ACOXL: variants seen among roughly 807,000 people sequenced by gnomAD.
ACOXL encodes the protein acyl-CoA oxidase like.
A neutral mutation model predicts 71.9 loss-of-function variants in ACOXL; 70 were observed. That is an observed-to-expected ratio of 0.97 (90% CI 0.80 to 1.19). The LOEUF (loss-of-function observed/expected upper bound fraction) is 1.19. ACOXL is among the 50% of genes most tolerant of loss of function. The pLI is 0.00. For synonymous variants in ACOXL, 253 were observed against 281.6 expected (o/e 0.90, Z 1.02); for missense variants, 703 against 736.3 (o/e 0.95, Z 0.52).
chr2:111,058,508 A>G (rs2066655460), intron 16 of ACOXL, among the ~76,000 whole-genome samples: 1 of 152,164 alleles, frequency 6.6e-6, no homozygotes, highest in Non-Finnish European at 1.5e-5. Context: ...AACCAACCAC[A>G]TTTGCACCCT....
chr2:111,080,090 G>C (rs953918856), intron 16 of ACOXL, among the ~76,000 whole-genome samples: 1 of 152,018 alleles, frequency 6.6e-6, no homozygotes, highest in African/African-American at 2.4e-5. Flanking sequence ...ATTTTTTATT[G>C]TGTCTATTTG....
At chr2:110,992,359 C>T (rs2063208497) in intron 13 of ACOXL, among the ~76,000 whole-genome samples, 1 of 152,190 alleles carries the variant, frequency 6.6e-6, no homozygotes, top group Admixed American at 6.5e-5. Context: ...TTTCAGCACT[C>T]ACTGTGTACC....
At chr2:110,912,746 A>G (rs2059690481) in intron 11 of ACOXL, among the ~76,000 whole-genome samples, 1 of 152,180 alleles carries the variant, frequency 6.6e-6, no homozygotes, top group African/African-American at 2.4e-5. Flanking sequence ...AAAAAAGTGT[A>G]TACATTGGAC....
intron 11 of ACOXL, among the ~76,000 whole-genome samples, chr2:110,911,340 T>A (rs918505307): frequency 6.6e-6 from 1 of 151,982 alleles, no homozygotes; most frequent in East Asian, 1.9e-4. Context: ...TTCCAAAACA[T>A]AGAAGAGGAA....
At chr2:110,804,414 G>A (rs1006027712) in intron 8 of ACOXL, among the ~76,000 whole-genome samples, 18 of 152,112 alleles carry the variant, frequency 1.2e-4, no homozygotes, top group African/African-American at 1.7e-4. Flanking sequence ...CAGTTTGGCC[G>A]TTCCTCAAAA....
intron 7 of ACOXL, among the ~76,000 whole-genome samples, chr2:110,801,401 C>T (rs1685974937): frequency 6.6e-6 from 1 of 152,184 alleles, no homozygotes; most frequent in Non-Finnish European, 1.5e-5. Flanking sequence ...CATGCACATG[C>T]AGGCTGCACA....
At chr2:110,891,080 T>C (rs1472657793) in intron 10 of ACOXL, among the ~76,000 whole-genome samples, 2 of 152,146 alleles carry the variant, frequency 1.3e-5, no homozygotes. Flanking sequence ...TGTTCATTAT[T>C]AGTATATAGA....
chr2:110,910,039 G>A (rs2059595160), intron 11 of ACOXL, among the ~76,000 whole-genome samples: 1 of 152,056 alleles, frequency 6.6e-6, no homozygotes, highest in African/African-American at 2.4e-5. Flanking sequence ...TTAGTGGAGT[G>A]AGTTTTGACG....
intron 2 of ACOXL, among the ~76,000 whole-genome samples, chr2:110,772,905 T>A (rs770285461): frequency 1.3e-5 from 2 of 152,244 alleles, no homozygotes; most frequent in Non-Finnish European, 2.9e-5. Flanking sequence ...CTATCTTTTA[T>A]TGAGCCAGAT....
At chr2:110,771,200 C>T (rs534992110) in intron 2 of ACOXL, among the ~76,000 whole-genome samples, 2 of 152,312 alleles carry the variant, frequency 1.3e-5, no homozygotes, top group East Asian at 1.9e-4. Context: ...AGGCTCATCT[C>T]GCTGGGCGGA....
chr2:110,741,079 A>C (rs567312143), intron 1 of ACOXL, among the ~76,000 whole-genome samples: 2 of 152,184 alleles, frequency 1.3e-5, no homozygotes, highest in African/African-American at 2.4e-5. Flanking sequence ...TATCCCAGGC[A>C]TTCCTGGGAT....
Position 110,794,147 on chromosome 2 carries a change from C to T in ACOXL, c.318C>T (p.Thr106=), listed in dbSNP as rs532559679. The T allele has an allele frequency of 3.8e-5, 61 of 1,614,126 alleles. No homozygotes were observed. Among genetic ancestry groups the T allele is most frequent in the Non-Finnish European group, 4.2e-5 (49 of 1,179,998 alleles). Residue 106 remains threonine, a synonymous_variant, in exon 5 of 18, where the codon ACC becomes ACT. Coordinates refer to ENST00000439055, the MANE Select transcript of ACOXL (RefSeq NM_001142807.4). ...GHGSNARGIQ[T]EATFDLSAQE... ...GGAGCAACGCGAGAGGGATCCAGAC[C>T]GAAGCCACCTTTGACCTCTCTGCCC...
intron 14 of ACOXL, among the ~76,000 whole-genome samples, chr2:111,028,574 C>T (rs908837032): frequency 6.6e-6 from 1 of 152,080 alleles, no homozygotes; most frequent in African/African-American, 2.4e-5. Flanking sequence ...TCTACTTGAA[C>T]TTAAGGGGAA....
At chr2:110,828,944 T>C (rs1689492589) in intron 9 of ACOXL, among the ~76,000 whole-genome samples, 2 of 152,144 alleles carry the variant, frequency 1.3e-5, no homozygotes. Context: ...CCCGAGTAGC[T>C]GGGATTACAG....
intron 13 of ACOXL, among the ~76,000 whole-genome samples, chr2:110,988,200 G>A (rs141416975): frequency 1.1e-3 from 161 of 152,332 alleles, no homozygotes; most frequent in African/African-American, 3.8e-3. Context: ...CACTTTGGGA[G>A]GCCAGGACAG....
At chr2:111,013,754 T>C (rs933455383) in intron 14 of ACOXL, among the ~76,000 whole-genome samples, 1 of 152,134 alleles carries the variant, frequency 6.6e-6, no homozygotes, top group African/African-American at 2.4e-5. Context: ...AAAGACAAAA[T>C]AGTATCAGTC....
intron 10 of ACOXL, among the ~76,000 whole-genome samples, chr2:110,896,958 A>T (rs916439942): frequency 6.6e-6 from 1 of 152,166 alleles, no homozygotes; most frequent in Non-Finnish European, 1.5e-5. Flanking sequence ...AACATTACCA[A>T]GATACACCAT....
At chr2:110,760,743 C>A (rs1449082187) in intron 1 of ACOXL, among the ~76,000 whole-genome samples, 1 of 152,200 alleles carries the variant, frequency 6.6e-6, no homozygotes, top group Non-Finnish European at 1.5e-5. Flanking sequence ...ATATTTTTAG[C>A]TTCACTCAGG....
chr2:111,039,973 CAG>C (rs1477629520), intron 15 of ACOXL, among the ~76,000 whole-genome samples: 3 of 152,212 alleles, frequency 2.0e-5, no homozygotes, highest in Non-Finnish European at 4.4e-5. Context: ...CAGTGGATAT[CAG>C]AGTTCCTTGC....
Sources: allele counts gnomAD v4.1 joint callset (sites outside exome capture counted in the v4.1 genomes callset), GRCh38; gene constraint gnomAD v4.1.1; transcripts MANE v1.5; gene names NCBI Gene and HGNC (gene_info 2026-07-23, HGNC 2026-07-21).